Variants in FBN2 observed in about 807,000 individuals in gnomAD.
FBN2 encodes the protein fibrillin 2.
FBN2 carries 105 observed loss-of-function variants against 355.6 expected under a neutral mutation model. The ratio of observed to expected loss-of-function variants is 0.30; its 90% confidence interval spans 0.25 to 0.35. The LOEUF is 0.35. FBN2 is among the 10% of genes least tolerant of loss of function. The pLI, the probability that FBN2 is intolerant of heterozygous loss-of-function variation, is 1.00. For missense variants in FBN2, 3,280 were observed against 3,758.7 expected (o/e 0.87, Z 3.33); for synonymous variants, 1,350 against 1,301.2 (o/e 1.04, Z -0.81).
chr5:128,533,321 T>C (rs1402258243), intron 2 of FBN2, among the ~76,000 whole-genome samples: 1 of 152,208 alleles, frequency 6.6e-6, no homozygotes, highest in Non-Finnish European at 1.5e-5. Flanking sequence ...TTTGATGGGC[T>C]GGAGACTGAG....
chr5:128,278,613 A>G (rs1765454790), intron 57 of FBN2, 22 bp downstream of exon 57: 1 of 1,603,998 alleles, frequency 6.2e-7, no homozygotes, highest in Non-Finnish European at 8.5e-7. Flanking sequence ...GATTATATGA[A>G]TAAATTTCCT....
intron 36 of FBN2, among the ~76,000 whole-genome samples, chr5:128,317,203 C>G (rs1056371448): frequency 6.6e-6 from 1 of 152,144 alleles, no homozygotes; most frequent in African/African-American, 2.4e-5. Flanking sequence ...CTCCAACCAC[C>G]TCCAGTGCCA....
intron 7 of FBN2, among the ~76,000 whole-genome samples, chr5:128,437,153 T>C (rs754834695): frequency 7.9e-5 from 12 of 152,216 alleles, no homozygotes; most frequent in Non-Finnish European, 1.5e-4. Context: ...TTGAAGAAGA[T>C]ACCTGGTACA....
chr5:128,345,050 A>G (rs994581721), intron 24 of FBN2, among the ~76,000 whole-genome samples: 1 of 152,036 alleles, frequency 6.6e-6, no homozygotes, highest in Non-Finnish European at 1.5e-5. Flanking sequence ...ATTTCTCACT[A>G]CTTGTTTTAT....
At chr5:128,342,967 A>T (rs1268985173) in intron 25 of FBN2, among the ~76,000 whole-genome samples, 1 of 152,102 alleles carries the variant, frequency 6.6e-6, no homozygotes, top group Non-Finnish European at 1.5e-5. Context: ...ACCCCAGGTG[A>T]TCTGCCCGTC....
At chr5:128,384,628 A>G (rs1752319331) in intron 11 of FBN2, among the ~76,000 whole-genome samples, 1 of 152,066 alleles carries the variant, frequency 6.6e-6, no homozygotes, top group Non-Finnish European at 1.5e-5. Flanking sequence ...TATCTTTAAG[A>G]GCTTCATTTT....
chr5:128,411,660 G>T (rs1286424699), intron 7 of FBN2, among the ~76,000 whole-genome samples: 2 of 152,172 alleles, frequency 1.3e-5, no homozygotes, highest in Non-Finnish European at 2.9e-5. Context: ...CAGGGTAGGG[G>T]ATATGGTGGG....
intron 3 of FBN2, among the ~76,000 whole-genome samples, chr5:128,529,513 C>A (rs141536934): frequency 6.6e-6 from 1 of 152,114 alleles, no homozygotes; most frequent in Non-Finnish European, 1.5e-5. Flanking sequence ...TGCCCAAGGC[C>A]AAATGAATGC....
At chr5:128,434,402 A>G (rs905703898) in intron 7 of FBN2, among the ~76,000 whole-genome samples, 2 of 72,576 alleles carry the variant, frequency 2.8e-5, no homozygotes, top group South Asian at 3.9e-4. Flanking sequence ...GTGTATATAT[A>G]TATATATATA....
rs542824837 is a variant in FBN2 at position 128,259,593 on chromosome 5, T to C, written c.8601A>G (p.Thr2867=). ...GGATGCTAGTGATTTCCAGTGTGTA[T>C]GTGCCGGGCATGAGCTTCTTCTTGG... ...HTAKKKLMPG[T]YTLEITSIPL... Residue 2867 remains threonine, a synonymous_variant, in exon 65 of 65, where the codon ACA becomes ACG. Coordinates refer to ENST00000262464, the MANE Select transcript of FBN2 (RefSeq NM_001999.4). 2.5e-6 allele frequency: 4 copies of C among 1,613,954 alleles called. No homozygotes were observed. The highest frequency in any genetic ancestry group is 2.2e-5 in the East Asian group (1 of 44,858).
intron 8 of FBN2, among the ~76,000 whole-genome samples, chr5:128,404,806 T>G (rs1752885260): frequency 6.6e-6 from 1 of 152,188 alleles, no homozygotes; most frequent in Admixed American, 6.5e-5. Flanking sequence ...ATATTTCATT[T>G]CATTTCAAAA....
At chr5:128,270,808 T>C (rs1468065534) in intron 62 of FBN2, among the ~76,000 whole-genome samples, 2 of 152,184 alleles carry the variant, frequency 1.3e-5, no homozygotes, top group Non-Finnish European at 2.9e-5. Context: ...CCTTTGTTTA[T>C]GAATCAATAA....
intron 7 of FBN2, among the ~76,000 whole-genome samples, chr5:128,415,103 A>G (rs948355886): frequency 2.0e-5 from 3 of 152,136 alleles, no homozygotes; most frequent in Admixed American, 6.5e-5. Context: ...ATACATTTTT[A>G]TGGGACACAT....
chr5:128,460,605 C>T (rs1754531416), intron 6 of FBN2, among the ~76,000 whole-genome samples: 1 of 152,138 alleles, frequency 6.6e-6, no homozygotes, highest in Admixed American at 6.5e-5. Flanking sequence ...TGACTTCAAA[C>T]TATACTACAA....
chr5:128,457,019 TG>T lies in FBN2; in HGVS notation c.826+7704del, dbSNP rs542614824. 4.4e-3 allele frequency among the ~76,000 whole-genome samples: 664 copies of T among 152,292 alleles called. 6 individuals carry two copies. Among genetic ancestry groups the T allele is most frequent in the South Asian group, 0.014 (68 of 4,830 alleles). ...AAAACTATGATGAGCTAAGGGAGCA[TG>T]TTCTAAGCCAATGCAAAGAAGCTAA... On this transcript the variant is annotated intron_variant, in intron 6 of 64. Coordinates refer to ENST00000262464, the MANE Select transcript of FBN2 (RefSeq NM_001999.4).
At chr5:128,338,219 T>A (rs1366716894) in intron 26 of FBN2, 97 bp from the exon 27 acceptor site, 1 of 1,225,402 alleles carries the variant, frequency 8.2e-7, no homozygotes, top group Non-Finnish European at 1.2e-6. Context: ...TGTGAGAGTG[T>A]GAGTTAGTGG....
rs778166131 is a variant in FBN2 at position 128,259,203 on chromosome 5, C to A, written c.*252G>T. On this transcript the variant is annotated 3_prime_UTR_variant, in exon 65 of 65. Transcript: ENST00000262464. ...GCTGATATCTTGAACATTTAGGTTT[C>A]TTTTAATATATTTTAAAATGAAGTT... is the stretch of plus-strand genomic sequence containing the variant. 2.1e-6 allele frequency: 1 copy of A among 474,802 alleles called. No homozygotes were observed. The highest frequency in any genetic ancestry group is 3.8e-6 in the Non-Finnish European group (1 of 264,414). 29.4% of individuals were successfully genotyped at this position (474,802 alleles called of 1,614,324 possible). A position where few individuals can be genotyped will look rare whatever the true frequency, so the allele number is the denominator to read the frequency against.
At chr5:128,478,771 T>C (rs987447925) in intron 5 of FBN2, among the ~76,000 whole-genome samples, 1 of 152,146 alleles carries the variant, frequency 6.6e-6, no homozygotes, top group Non-Finnish European at 1.5e-5. Flanking sequence ...TGTGGTCAAA[T>C]ATATTACAAG....
chr5:128,523,510 T>C (rs1756488695), intron 4 of FBN2, among the ~76,000 whole-genome samples: 1 of 152,158 alleles, frequency 6.6e-6, no homozygotes, highest in Non-Finnish European at 1.5e-5. Flanking sequence ...AAATATTATC[T>C]ATATAATAAT....
Sources: allele counts gnomAD v4.1 joint callset (sites outside exome capture counted in the v4.1 genomes callset), GRCh38; gene constraint gnomAD v4.1.1; transcripts MANE v1.5; gene names NCBI Gene and HGNC (gene_info 2026-07-23, HGNC 2026-07-21).